Variants in CDYL2 observed in about 807,000 individuals in gnomAD.
CDYL2 encodes chromodomain Y like 2, also known as chromodomain Y-like protein 2.
In CDYL2, 23 loss-of-function variants were observed where a neutral mutation model predicts 49.4. The ratio of observed to expected loss-of-function variants is 0.47; its 90% CI spans 0.34 to 0.66. The LOEUF is 0.66. Among genes scored for constraint, CDYL2 ranks in the 30% least tolerant of loss-of-function variants. The pLI is 0.01. For synonymous variants in CDYL2, 360 were observed against 268.8 expected, an observed-to-expected ratio of 1.34 and a Z score of -3.32; for missense variants, 678 against 656.4, an observed-to-expected ratio of 1.03 and a Z score of -0.36.
rs1209298948 is a variant in CDYL2, at chr16:80,715,742, T to C, written c.25-30613A>G. 5.9e-5 allele frequency among the ~76,000 whole-genome samples: 9 copies of C among 152,184 alleles called. No homozygotes were observed. The East Asian group carries it at 1.7e-3, about 29-fold the overall frequency. On this transcript the variant is annotated intron_variant, in intron 1 of 6. Transcript: ENST00000570137. ...TGTATAAGCCCTGCACAGTTTGGTA[T>C]CTACCTGCACTTCCTGCCCCTTCAC...
chr16:80,637,864 C>A (rs1907910042), intron 2 of CDYL2, among the ~76,000 whole-genome samples: 1 of 152,198 alleles, frequency 6.6e-6, no homozygotes, highest in African/African-American at 2.4e-5. Context: ...ATCTAAGCAT[C>A]ACACGTATTC....
At chr16:80,789,923 G>A (rs913999267) in intron 1 of CDYL2, among the ~76,000 whole-genome samples, 21 of 152,174 alleles carry the variant, frequency 1.4e-4, no homozygotes, top group Admixed American at 1.0e-3. Flanking sequence ...GAAAGAAGAT[G>A]TGAGGGGGAT....
intron 2 of CDYL2, among the ~76,000 whole-genome samples, chr16:80,650,213 T>C (rs551844366): frequency 6.6e-6 from 1 of 152,272 alleles, no homozygotes; most frequent in African/African-American, 2.4e-5. Flanking sequence ...GTGTACAAAC[T>C]ATCCATCTGA....
At chr16:80,803,397 C>A (rs562440594) in intron 1 of CDYL2, among the ~76,000 whole-genome samples, 1 of 152,322 alleles carries the variant, frequency 6.6e-6, no homozygotes, top group East Asian at 1.9e-4. Context: ...ACACCTCAGA[C>A]TTCCACGTTC....
At position 80,761,821 on chromosome 16, in the gene CDYL2, T is replaced by G. The variant is rs1906540298; in HGVS notation, c.24+42329A>C. 3.3e-5 allele frequency among the ~76,000 whole-genome samples: 5 copies of G among 151,708 alleles called. No individual in the cohort carries two copies. The South Asian group carries it at 6.2e-4, about 19-fold the overall frequency. On this transcript the variant is annotated intron_variant, in intron 1 of 6. Coordinates refer to ENST00000570137, the MANE Select transcript of CDYL2 (RefSeq NM_152342.4). ...ACTACTTTGGATATTTGAAAGTTAC[T>G]TATTAAATATAATGCACATAAAATA...
At chr16:80,610,391 T>C (rs1226963195) in intron 5 of CDYL2, among the ~76,000 whole-genome samples, 6 of 152,084 alleles carry the variant, frequency 3.9e-5, no homozygotes, top group Non-Finnish European at 8.8e-5. Context: ...GACCTTCCGA[T>C]AAAATCAAGA....
Position 80,657,045 on chromosome 16 carries a change from G to A in CDYL2, c.617-23809C>T, listed in dbSNP as rs116654119. ...ACTATCAGAGAGAGAGAGAAGGAAC[G>A]AGAAACGAAAACAAAACAGAAACTT... On this transcript the variant is annotated intron_variant, in intron 2 of 6. Transcript: ENST00000570137. 9.2e-3 allele frequency among the ~76,000 whole-genome samples: 1,401 copies of A among 152,216 alleles called. 23 individuals carry two copies. The highest frequency in any genetic ancestry group is 0.032 in the African/African-American group (1,333 of 41,502).
intron 1 of CDYL2, among the ~76,000 whole-genome samples, chr16:80,794,598 ATTT>A (rs966789395): frequency 0.026 from 1,704 of 66,548 alleles, 7 homozygotes; most frequent in African/African-American, 0.047. Context: ...ATTCCCAGTG[ATTT>A]TTTTTTTTTT....
At position 80,693,671 on chromosome 16, in the gene CDYL2, G is replaced by C. The variant is rs568215628; in HGVS notation, c.25-8542C>G. On this transcript the variant is annotated intron_variant, in intron 1 of 6. Coordinates refer to ENST00000570137, the MANE Select transcript of CDYL2 (RefSeq NM_152342.4). ...TCTTACATTCAGGTGCCAAGGACCA[G>C]AAGAAGAGGGGATGATTACCAATCG... 2.6e-4 allele frequency among the ~76,000 whole-genome samples: 40 copies of C among 152,340 alleles called. No individual in the cohort carries two copies. In the South Asian group the frequency reaches 8.1e-3, roughly 31 times the overall value.
At chr16:80,627,490 C>A (rs1379240458) in intron 3 of CDYL2, 4 of 152,184 alleles carry the variant, frequency 2.6e-5, no homozygotes, top group Non-Finnish European at 5.9e-5. Context: ...TACAAAAGTA[C>A]AAACTATACT....
At chr16:80,646,281 A>G (rs981793543) in intron 2 of CDYL2, among the ~76,000 whole-genome samples, 1 of 152,194 alleles carries the variant, frequency 6.6e-6, no homozygotes, top group African/African-American at 2.4e-5. Flanking sequence ...TATAATGAAT[A>G]CAAAAAAATT....
At position 80,694,088 on chromosome 16, in the gene CDYL2, G is replaced by A. The variant is rs562113469; in HGVS notation, c.25-8959C>T. The stretch of plus-strand genomic sequence containing the variant: ...GTCTCATGGAAGACAATTTTTCCAC[G>A]ACGGGCGGAATGGTTTTAGGATGAA... On this transcript the variant is annotated intron_variant, in intron 1 of 6. Coordinates refer to ENST00000570137, the MANE Select transcript of CDYL2 (RefSeq NM_152342.4). 2.6e-5 allele frequency among the ~76,000 whole-genome samples: 4 copies of A among 152,264 alleles called. No homozygotes were observed. In the East Asian group the frequency reaches 7.7e-4, roughly 29 times the overall value.
intron 2 of CDYL2, among the ~76,000 whole-genome samples, chr16:80,652,380 A>T (rs115224578): frequency 2.0e-5 from 3 of 152,252 alleles, no homozygotes; most frequent in Admixed American, 1.3e-4. Flanking sequence ...GCAACAAAAT[A>T]TAGTAGTACT....
At position 80,711,976 on chromosome 16, in the gene CDYL2, CAT is replaced by C. The variant is rs564082458; in HGVS notation, c.25-26849_25-26848del. ...GTGTGTGTATATATATGTGTATACA[CAT>C]ATATATATGTATGTATATATATGTG... On this transcript the variant is annotated intron_variant, in intron 1 of 6. Coordinates refer to ENST00000570137, the MANE Select transcript of CDYL2 (RefSeq NM_152342.4). Among the ~76,000 whole-genome samples, 509 of 148,230 alleles carry C rather than the reference CAT, an allele frequency of 3.4e-3. 3 individuals are homozygous for C. Among genetic ancestry groups the C allele is most frequent in the African/African-American group, 0.012 (479 of 39,528 alleles).
At chr16:80,689,677 G>A (rs1353277475) in intron 1 of CDYL2, among the ~76,000 whole-genome samples, 1 of 152,344 alleles carries the variant, frequency 6.6e-6, no homozygotes, top group African/African-American at 2.4e-5. Flanking sequence ...CTTCACGGAA[G>A]TGACGCATAC....
At chr16:80,702,887 A>C (rs1030415340) in intron 1 of CDYL2, among the ~76,000 whole-genome samples, 1 of 152,220 alleles carries the variant, frequency 6.6e-6, no homozygotes, top group African/African-American at 2.4e-5. Context: ...CAGCTGCATG[A>C]GTGAGCCCAG....
At position 80,804,316 on chromosome 16, in the gene CDYL2, T is replaced by C; in HGVS notation, c.-143A>G. 1 of 621,898 alleles carries C rather than the reference T, an allele frequency of 1.6e-6. No individual in the cohort carries two copies. Among genetic ancestry groups the C allele is most frequent in the Non-Finnish European group, 2.2e-6 (1 of 452,000 alleles). 38.5% of individuals were successfully genotyped at this position (621,898 alleles called of 1,614,324 possible). On this transcript the variant is annotated 5_prime_UTR_variant, in exon 1 of 7. Coordinates refer to ENST00000570137, the MANE Select transcript of CDYL2 (RefSeq NM_152342.4). ...GTGGTGTGTTGAGTAAACTGTGTTT[T>C]TGCAGAATGACAGGCTTGGGGGCTG...
intron 1 of CDYL2, among the ~76,000 whole-genome samples, chr16:80,780,046 C>G (rs1350213566): frequency 6.6e-6 from 1 of 152,038 alleles, no homozygotes; most frequent in African/African-American, 2.4e-5. Flanking sequence ...GATTGCAAAC[C>G]TCCAGTCCCA....
chr16:80,772,315 G>GAATAATAAC (rs1906932202), intron 1 of CDYL2, among the ~76,000 whole-genome samples: 1 of 152,106 alleles, frequency 6.6e-6, no homozygotes, highest in African/African-American at 2.4e-5. Flanking sequence ...AAAGTCAAAA[G>GAATAATAAC]AATAATAACA....
Sources: allele counts gnomAD v4.1 joint callset (sites outside exome capture counted in the v4.1 genomes callset), GRCh38; gene constraint gnomAD v4.1.1; transcripts MANE v1.5; gene names NCBI Gene and HGNC (gene_info 2026-07-23, HGNC 2026-07-21).